Variants in ARMH3 observed in about 807,000 individuals in gnomAD.
ARMH3 encodes armadillo like helical domain containing 3, also known as armadillo-like helical domain-containing protein 3.
ARMH3 carries 60 observed loss-of-function variants against 99.1 expected under a neutral mutation model. The ratio of observed to expected loss-of-function variants is 0.61; its 90% confidence interval spans 0.49 to 0.75. The LOEUF (loss-of-function observed/expected upper bound fraction) is 0.75. Among genes scored for constraint, ARMH3 ranks in the 30% least tolerant of loss-of-function variants. The pLI, the probability that ARMH3 is intolerant of heterozygous loss-of-function variation, is 0.00. For synonymous variants in ARMH3, 285 were observed against 292.8 expected, an observed-to-expected ratio of 0.97 and a Z score of 0.27; for missense variants, 679 against 843.1, an observed-to-expected ratio of 0.81 and a Z score of 2.41.
intron 15 of ARMH3, among the ~76,000 whole-genome samples, chr10:101,998,261 C>T (rs1847152247): frequency 6.6e-6 from 1 of 152,190 alleles, no homozygotes. Context: ...TGCTGCAATA[C>T]TTCTAGAGAA....
In ARMH3 at chr10:102,040,134, A is replaced by G. The variant is rs1301990743; in HGVS notation, c.-11-9T>C. The G allele has an allele frequency of 6.3e-7, 1 of 1,596,458 alleles. No homozygotes were observed. The highest frequency in any genetic ancestry group is 1.7e-4 in the Middle Eastern group (1 of 6,040). ...TGCCATGGTTAGAGAATCTGTGAAC[A>G]GAAAGTCACATTTTAGAATAGTGAA... On this transcript the variant is annotated splice_polypyrimidine_tract_variant and intron_variant, in intron 1 of 25. Coordinates refer to ENST00000370033, the MANE Select transcript of ARMH3 (RefSeq NM_024541.3).
At chr10:101,937,663 A>C (rs1244124276) in intron 23 of ARMH3, among the ~76,000 whole-genome samples, 4 of 152,210 alleles carry the variant, frequency 2.6e-5, no homozygotes, top group Non-Finnish European at 5.9e-5. Flanking sequence ...AAAAGTACAT[A>C]ATACACCCTA....
chr10:102,043,733 T>C (rs1277301436), intron 1 of ARMH3, among the ~76,000 whole-genome samples: 6 of 152,158 alleles, frequency 3.9e-5, no homozygotes, highest in Admixed American at 2.0e-4. Context: ...ACATAAGACA[T>C]AGACAAATTA....
At chr10:102,028,112 T>G (rs993251585) in intron 5 of ARMH3, among the ~76,000 whole-genome samples, 2 of 151,820 alleles carry the variant, frequency 1.3e-5, no homozygotes, top group African/African-American at 4.8e-5. Flanking sequence ...TGCAGAAACT[T>G]GAACCCTCAT....
chr10:101,961,347 G>C (rs1227551245), intron 20 of ARMH3, among the ~76,000 whole-genome samples: 1 of 151,048 alleles, frequency 6.6e-6, no homozygotes, highest in Non-Finnish European at 1.5e-5. Context: ...AACTAAAACT[G>C]TTCCTAATTC....
intron 20 of ARMH3, among the ~76,000 whole-genome samples, chr10:101,958,177 T>G (rs1410502139): frequency 6.6e-6 from 1 of 152,194 alleles, no homozygotes; most frequent in Non-Finnish European, 1.5e-5. Flanking sequence ...AAGAGGAAAA[T>G]GTATCCATTC....
chr10:101,939,106 T>C (rs1844123687), intron 23 of ARMH3, among the ~76,000 whole-genome samples: 2 of 152,226 alleles, frequency 1.3e-5, no homozygotes, highest in Admixed American at 1.3e-4. Context: ...AAGGCTTACA[T>C]CTGGAGCTAA....
chr10:101,888,035 C>A (rs945800092), intron 24 of ARMH3, among the ~76,000 whole-genome samples: 2 of 146,610 alleles, frequency 1.4e-5, no homozygotes, highest in South Asian at 2.2e-4. Context: ...GAATACTGCA[C>A]GTGGCTGACA....
chr10:101,973,117 T>G (rs962831393), intron 20 of ARMH3, among the ~76,000 whole-genome samples: 9 of 152,022 alleles, frequency 5.9e-5, no homozygotes, highest in African/African-American at 1.9e-4. Context: ...TCCTAGCACT[T>G]TGGGAGGCCG....
At chr10:101,926,039 A>G (rs1365247793) in intron 23 of ARMH3, among the ~76,000 whole-genome samples, 1 of 152,238 alleles carries the variant, frequency 6.6e-6, no homozygotes, top group Non-Finnish European at 1.5e-5. Flanking sequence ...TTTGGGAAGG[A>G]GACTGACATA....
At chr10:101,975,123 T>C in intron 20 of ARMH3, 89 bp downstream of exon 20, 2 of 760,482 alleles carry the variant, frequency 2.6e-6, no homozygotes, top group Non-Finnish European at 3.7e-6. Flanking sequence ...AACCAAAAGG[T>C]TAAAAAACAA....
chr10:101,969,575 G>C (rs150592262), intron 20 of ARMH3, among the ~76,000 whole-genome samples: 1 of 152,340 alleles, frequency 6.6e-6, no homozygotes, highest in Non-Finnish European at 1.5e-5. Flanking sequence ...TAATAGGAGA[G>C]CCAGCTGGAT....
At chr10:102,000,945 T>C (rs140043141) in intron 15 of ARMH3, among the ~76,000 whole-genome samples, 1,568 of 151,942 alleles carry the variant, frequency 0.01, 10 homozygotes, top group Non-Finnish European at 0.015. Flanking sequence ...GCCTCTCGAG[T>C]AGCTGGGATT....
chr10:101,846,363 AG>A lies in ARMH3; in HGVS notation c.*1164del. 1 of 96,318 alleles carries A rather than the reference AG, an allele frequency of 1.0e-5. No homozygotes were observed. Among genetic ancestry groups the A allele is most frequent in the Non-Finnish European group, 2.2e-5 (1 of 46,370 alleles). 6.0% of individuals were successfully genotyped at this position (96,318 alleles called of 1,614,324 possible). On this transcript the variant is annotated 3_prime_UTR_variant, in exon 26 of 26. Coordinates refer to ENST00000370033, the MANE Select transcript of ARMH3 (RefSeq NM_024541.3). Reference sequence around the variant, plus strand: ...CAGAGGCAGGAGAGGCTGCCAGAGGAGGGGGGGCTAAGGGAGGTGGGGGAGC... The same window carrying A: ...CAGAGGCAGGAGAGGCTGCCAGAGGAGGGGGGCTAAGGGAGGTGGGGGAGC...
intron 24 of ARMH3, among the ~76,000 whole-genome samples, chr10:101,862,349 G>A (rs2066893841): frequency 6.6e-6 from 1 of 152,204 alleles, no homozygotes; most frequent in African/African-American, 2.4e-5. Flanking sequence ...GGCAGAGACA[G>A]GCAGATCACT....
rs75659351 is a variant in ARMH3, at chr10:102,014,739, A to T, written c.670-715T>A. The stretch of plus-strand genomic sequence containing the variant: ...TGGAAGAGTTCTTGGGTTTTTCCAG[A>T]CCCAATCTCAGTTGGGCAGCATAAA... On this transcript the variant is annotated intron_variant, in intron 8 of 25. Coordinates refer to ENST00000370033, the MANE Select transcript of ARMH3 (RefSeq NM_024541.3). Among the ~76,000 whole-genome samples the T allele has an allele frequency of 9.3e-3, 1,422 of 152,272 alleles. 18 individuals are homozygous for T. The highest frequency in any genetic ancestry group is 0.033 in the African/African-American group (1,350 of 41,538).
chr10:101,915,723 C>G (rs1843051371), intron 23 of ARMH3, among the ~76,000 whole-genome samples: 1 of 151,428 alleles, frequency 6.6e-6, no homozygotes, highest in Non-Finnish European at 1.5e-5. Context: ...CTGCCCCAGT[C>G]TAAGTACAGA....
chr10:101,881,060 G>A (rs964067442), intron 24 of ARMH3, among the ~76,000 whole-genome samples: 2 of 152,184 alleles, frequency 1.3e-5, no homozygotes, highest in Non-Finnish European at 2.9e-5. Flanking sequence ...TATAAAGCAT[G>A]TTATTTCCTT....
intron 11 of ARMH3, among the ~76,000 whole-genome samples, chr10:102,010,861 G>A (rs2066615496): frequency 6.6e-6 from 1 of 152,180 alleles, no homozygotes; most frequent in Non-Finnish European, 1.5e-5. Flanking sequence ...ACATTTTGGA[G>A]TTAAAGAGTT....
Sources: gnomAD v4.1 joint callset for allele counts (sites outside exome capture counted in the v4.1 genomes callset) on GRCh38, gnomAD v4.1.1 for gene constraint, MANE v1.5 for transcripts, NCBI Gene and HGNC (gene_info 2026-07-23, HGNC 2026-07-21) for gene names.